TRMT11: variants seen among roughly 807,000 people sequenced by gnomAD.
The protein encoded by TRMT11 is tRNA methyltransferase 11.
TRMT11 carries 53 observed loss-of-function variants against 62.8 expected under a neutral mutation model. That is an observed-to-expected ratio of 0.84 (90% confidence interval 0.68 to 1.06). The LOEUF (loss-of-function observed/expected upper bound fraction) is 1.06, where lower values mean the gene tolerates loss of function less well. Ranked by LOEUF, TRMT11 falls within the 50% of genes least tolerant of loss-of-function variation. The pLI is 0.00. For missense variants in TRMT11, 556 were observed against 553.4 expected (o/e 1.00, Z -0.05); for synonymous variants, 188 against 190.3 (o/e 0.99, Z 0.10).
the TRMT11 span, among the ~76,000 whole-genome samples, chr6:126,242,845 A>C: frequency 6.6e-6 from 1 of 152,242 alleles, no homozygotes; most frequent in Non-Finnish European, 1.5e-5. Context: ...AAGAAAACCT[A>C]GGCAATACCA....
intron 17 of TRMT11, among the ~76,000 whole-genome samples, chr6:126,084,605 G>A (rs1777194617): frequency 1.3e-5 from 2 of 152,070 alleles, no homozygotes; most frequent in African/African-American, 4.8e-5. Context: ...TGTGGCCTGA[G>A]CTTTTGGTAT....
intron 21 of TRMT11, among the ~76,000 whole-genome samples, chr6:126,138,161 G>A (rs1777874328): frequency 6.6e-6 from 1 of 151,826 alleles, no homozygotes; most frequent in South Asian, 2.1e-4. Context: ...TTGATGAATA[G>A]TTCAATTACT....
intron 1 of TRMT11, among the ~76,000 whole-genome samples, chr6:126,188,679 G>C (rs868116161): frequency 1.3e-5 from 2 of 152,086 alleles, no homozygotes; most frequent in East Asian, 3.8e-4. Context: ...AAAGTTGTTC[G>C]TACCTTCAAA....
chr6:126,151,818 C>CTTTCTT (rs1554242219), intron 21 of TRMT11, among the ~76,000 whole-genome samples: 1 of 104,582 alleles, frequency 9.6e-6, no homozygotes, highest in East Asian at 2.7e-4. Context: ...TTCTTTCTTT[C>CTTTCTT]TTTCTTTCTT....
At chr6:126,237,931 T>C in the TRMT11 span, among the ~76,000 whole-genome samples, 3 of 152,196 alleles carry the variant, frequency 2.0e-5, no homozygotes, top group Non-Finnish European at 4.4e-5. Flanking sequence ...CTTCCTGGTT[T>C]AGTCTTGGGA....
At chr6:126,218,246 A>T in the TRMT11 span, among the ~76,000 whole-genome samples, 1 of 152,190 alleles carries the variant, frequency 6.6e-6, no homozygotes, top group East Asian at 1.9e-4. Context: ...GCAGCAAGAC[A>T]AAGTCCCCTT....
intron 21 of TRMT11, among the ~76,000 whole-genome samples, chr6:126,131,302 C>T (rs1349280361): frequency 1.3e-5 from 2 of 151,920 alleles, no homozygotes; most frequent in African/African-American, 4.8e-5. Flanking sequence ...AAACTTGCAC[C>T]CCCATAGACC....
At chr6:126,220,297 T>C in the TRMT11 span, among the ~76,000 whole-genome samples, 2 of 152,212 alleles carry the variant, frequency 1.3e-5, no homozygotes, top group Admixed American at 6.5e-5. Flanking sequence ...GCATTTATTA[T>C]TTTCACTTTA....
chr6:126,175,863 G>T (rs1778379538), upstream of TRMT11, among the ~76,000 whole-genome samples: 1 of 151,994 alleles, frequency 6.6e-6, no homozygotes, highest in Non-Finnish European at 1.5e-5. Context: ...ATGATGTTTT[G>T]GTACAAAATG....
At chr6:126,028,350 G>A (rs1773574710) in intron 12 of TRMT11, among the ~76,000 whole-genome samples, 1 of 152,066 alleles carries the variant, frequency 6.6e-6, no homozygotes, top group South Asian at 2.1e-4. Flanking sequence ...CTCATTCTAG[G>A]TCTTCATACA....
intron 12 of TRMT11, among the ~76,000 whole-genome samples, chr6:126,027,231 G>A (rs977077118): frequency 1.2e-4 from 19 of 152,130 alleles, no homozygotes; most frequent in Non-Finnish European, 1.5e-5. Context: ...TAGGATAAAA[G>A]GCTGATCTCC....
intron 21 of TRMT11, among the ~76,000 whole-genome samples, chr6:126,166,206 G>A (rs1055171223): frequency 2.0e-5 from 3 of 151,874 alleles, no homozygotes; most frequent in Non-Finnish European, 4.4e-5. Flanking sequence ...AAGGTTCTTA[G>A]CTTCCTTCCA....
chr6:126,008,557 C>CACTTTG (rs1197467685), intron 8 of TRMT11, 85 bp downstream of exon 8: 1 of 1,202,352 alleles, frequency 8.3e-7, no homozygotes. Flanking sequence ...TGGAAGAACA[C>CACTTTG]AAGTTTGAAT....
At chr6:126,071,494 CA>C (rs1253788940) in intron 17 of TRMT11, among the ~76,000 whole-genome samples, 1 of 151,492 alleles carries the variant, frequency 6.6e-6, no homozygotes, top group Non-Finnish European at 1.5e-5. Context: ...AAAGCAAAAA[CA>C]AAAACAAAAG....
intron 21 of TRMT11, among the ~76,000 whole-genome samples, chr6:126,145,064 A>C (rs1375466932): frequency 6.6e-6 from 1 of 152,182 alleles, no homozygotes; most frequent in African/African-American, 2.4e-5. Context: ...TAGGGTAACT[A>C]TAGGAAGAAA....
intron 1 of TRMT11, among the ~76,000 whole-genome samples, chr6:126,183,451 G>A (rs985090433): frequency 2.6e-5 from 4 of 152,124 alleles, no homozygotes; most frequent in Admixed American, 6.5e-5. Flanking sequence ...CATGGAAAGC[G>A]GGAAACAATT....
the TRMT11 span, among the ~76,000 whole-genome samples, chr6:126,226,802 G>A: frequency 1.3e-5 from 2 of 152,168 alleles, no homozygotes; most frequent in African/African-American, 4.8e-5. Context: ...TGGTTTGGCT[G>A]TGTCCCCACC....
At chr6:126,246,674 T>C in the TRMT11 span, among the ~76,000 whole-genome samples, 1 of 152,106 alleles carries the variant, frequency 6.6e-6, no homozygotes, top group Non-Finnish European at 1.5e-5. Context: ...GACAAATAAA[T>C]ATCAGAGAAG....
chr6:125,993,320 C>T (rs1294031938), intron 1 of TRMT11, among the ~76,000 whole-genome samples: 3 of 152,136 alleles, frequency 2.0e-5, no homozygotes, highest in East Asian at 3.8e-4. Context: ...TGTAACTTTA[C>T]ACAGAAAGAA....
Sources: gnomAD v4.1 joint callset for allele counts (sites outside exome capture counted in the v4.1 genomes callset) on GRCh38, gnomAD v4.1.1 for gene constraint, MANE v1.5 for transcripts, NCBI Gene and HGNC (gene_info 2026-07-23, HGNC 2026-07-21) for gene names.